Variants in CLDN10 observed in about 807,000 individuals in gnomAD.
CLDN10 encodes claudin 10.
In CLDN10, 15 loss-of-function variants were observed where a neutral mutation model predicts 22.9. That is an observed-to-expected ratio of 0.65 (90% CI 0.44 to 1.01). CLDN10 has a LOEUF of 1.01. CLDN10 is among the 50% of genes least tolerant of loss of function. CLDN10 has a pLI of 0.00. For missense variants in CLDN10, 247 were observed against 287.8 expected, an observed-to-expected ratio of 0.86 and a Z score of 1.03; for synonymous variants, 114 against 111.4, an observed-to-expected ratio of 1.02 and a Z score of -0.15.
intron 1 of CLDN10, among the ~76,000 whole-genome samples, chr13:95,458,484 A>G (rs2139086288): frequency 6.6e-6 from 1 of 152,318 alleles, no homozygotes; most frequent in Non-Finnish European, 1.5e-5. Flanking sequence ...GTCATGGTGG[A>G]AGGTGAAGGG....
At chr13:95,457,897 T>C (rs149948284) in intron 1 of CLDN10, among the ~76,000 whole-genome samples, 33 of 152,318 alleles carry the variant, frequency 2.2e-4, no homozygotes, top group African/African-American at 7.7e-4. Context: ...AAAATTGCTA[T>C]GTAACCAACA....
At chr13:95,510,316 C>A (rs943610559) in intron 1 of CLDN10, among the ~76,000 whole-genome samples, 1 of 152,198 alleles carries the variant, frequency 6.6e-6, no homozygotes, top group South Asian at 2.1e-4. Context: ...CATCTTCCCA[C>A]CTAAAGAGCA....
upstream of CLDN10, among the ~76,000 whole-genome samples, chr13:95,551,494 C>T (rs1471424412): frequency 1.3e-5 from 2 of 151,748 alleles, no homozygotes; most frequent in African/African-American, 2.4e-5. Flanking sequence ...GTCACCTTGT[C>T]GCCTCTAATT....
At chr13:95,524,859 ATT>A (rs144764656) in intron 1 of CLDN10, among the ~76,000 whole-genome samples, 2,405 of 110,702 alleles carry the variant, frequency 0.022, 54 homozygotes, top group African/African-American at 0.067. Context: ...TTATTTATTT[ATT>A]TTTATTTTTT....
At chr13:95,475,992 C>T (rs988708149) in intron 1 of CLDN10, among the ~76,000 whole-genome samples, 3 of 152,148 alleles carry the variant, frequency 2.0e-5, no homozygotes, top group African/African-American at 7.2e-5. Flanking sequence ...CAAATCTCTG[C>T]CATCTAATTC....
chr13:95,571,546 A>G (rs1194796734), intron 3 of CLDN10, among the ~76,000 whole-genome samples: 7 of 152,172 alleles, frequency 4.6e-5, no homozygotes, highest in Non-Finnish European at 1.0e-4. Context: ...GCGTCTCATA[A>G]GAGAGACTGG....
rs527567885 is a variant in CLDN10 at position 95,477,471 on chromosome 13, G to A, written c.214+43424G>A. On this transcript the variant is annotated intron_variant, in intron 1 of 4. Coordinates refer to the CLDN10 transcript ENST00000376873. ...CATTTGAAAAGCATATCACCCGGAG[G>A]ACTCCTTCCAGGGGGAGGGGGACAG... Among the ~76,000 whole-genome samples the A allele has an allele frequency of 2.6e-5, 4 of 152,266 alleles. No homozygotes were observed. The East Asian group carries it at 7.7e-4, about 29-fold the overall frequency.
chr13:95,460,778 C>T (rs1339619281), intron 1 of CLDN10, among the ~76,000 whole-genome samples: 1 of 151,706 alleles, frequency 6.6e-6, no homozygotes, highest in Non-Finnish European at 1.5e-5. Context: ...TCTGGAGTAG[C>T]TGTGATTACA....
rs186598789 is a variant in CLDN10, at chr13:95,476,554, G to A, written c.214+42507G>A. On this transcript the variant is annotated intron_variant, in intron 1 of 4. Coordinates refer to the CLDN10 transcript ENST00000376873. ...TCACCTTGGGCATTTGGATTTCAAC[G>A]TGTGAATTTTGGAGGGACACAGATA... Among the ~76,000 whole-genome samples the A allele has an allele frequency of 5.8e-4, 88 of 152,286 alleles. 1 individual carries two copies. Among genetic ancestry groups the A allele is most frequent in the African/African-American group, 2.1e-3 (87 of 41,550 alleles).
chr13:95,529,454 G>T (rs892045475), intron 1 of CLDN10, among the ~76,000 whole-genome samples: 1 of 151,992 alleles, frequency 6.6e-6, no homozygotes, highest in Non-Finnish European at 1.5e-5. Flanking sequence ...AGAACCATTC[G>T]CCTTATTAAT....
At chr13:95,464,022 A>C (rs1053059768) in intron 1 of CLDN10, among the ~76,000 whole-genome samples, 2 of 151,956 alleles carry the variant, frequency 1.3e-5, no homozygotes, top group African/African-American at 4.8e-5. Context: ...TGGTATTATG[A>C]AGCTGTCTAA....
intron 1 of CLDN10, among the ~76,000 whole-genome samples, chr13:95,454,438 AAG>A (rs936195520): frequency 4.0e-5 from 6 of 151,688 alleles, no homozygotes; most frequent in Non-Finnish European, 7.4e-5. Context: ...TCAAAATTGA[AAG>A]AGAGAGAGAG....
intron 1 of CLDN10, among the ~76,000 whole-genome samples, chr13:95,461,106 T>C (rs1365775253): frequency 6.6e-6 from 1 of 152,132 alleles, no homozygotes; most frequent in Non-Finnish European, 1.5e-5. Context: ...AGCGAGACTC[T>C]GTCTCAAAAG....
chr13:95,472,003 C>T (rs1177802091), intron 1 of CLDN10, among the ~76,000 whole-genome samples: 4 of 143,864 alleles, frequency 2.8e-5, no homozygotes, highest in Admixed American at 7.3e-5. Context: ...AGGCTGGTCT[C>T]GAACTCCTGC....
chr13:95,492,550 G>A (rs1381695348), intron 1 of CLDN10, among the ~76,000 whole-genome samples: 1 of 152,166 alleles, frequency 6.6e-6, no homozygotes, highest in Non-Finnish European at 1.5e-5. Flanking sequence ...TTTCCTGGTG[G>A]AGGGTGAGAT....
At chr13:95,476,398 T>C (rs769959290) in intron 1 of CLDN10, among the ~76,000 whole-genome samples, 1 of 152,168 alleles carries the variant, frequency 6.6e-6, no homozygotes, top group Admixed American at 6.5e-5. Flanking sequence ...GAGTCTTCTC[T>C]CTGTGTCCTC....
At chr13:95,568,500 G>A (rs534155926) in intron 3 of CLDN10, among the ~76,000 whole-genome samples, 1 of 152,182 alleles carries the variant, frequency 6.6e-6, no homozygotes, top group Non-Finnish European at 1.5e-5. Flanking sequence ...TACCCCCATT[G>A]CTCCTCTCCT....
intron 1 of CLDN10, among the ~76,000 whole-genome samples, chr13:95,467,212 A>G (rs1235802608): frequency 1.3e-5 from 2 of 152,010 alleles, no homozygotes; most frequent in East Asian, 1.9e-4. Context: ...CCTACTCTTG[A>G]TGAATTATTT....
At chr13:95,454,404 C>A (rs138503173) in intron 1 of CLDN10, among the ~76,000 whole-genome samples, 1 of 151,962 alleles carries the variant, frequency 6.6e-6, no homozygotes, top group Non-Finnish European at 1.5e-5. Flanking sequence ...CCACTGCACT[C>A]CAGCCTGGGT....
Sources: gnomAD v4.1 joint callset for allele counts (sites outside exome capture counted in the v4.1 genomes callset) on GRCh38, gnomAD v4.1.1 for gene constraint, MANE v1.5 for transcripts, NCBI Gene and HGNC (gene_info 2026-07-23, HGNC 2026-07-21) for gene names.